The following FOSL1 variants were observed in gnomAD, a reference collection of about 807,000 sequenced individuals.
FOSL1 encodes the protein FOS like 1, AP-1 transcription factor subunit, also known as fos-related antigen 1.
In FOSL1, 14 loss-of-function variants were observed where a neutral mutation model predicts 24.9. That is an observed-to-expected ratio of 0.56 (90% CI 0.37 to 0.88). The LOEUF is 0.88. Ranked by LOEUF, FOSL1 falls within the 40% of genes least tolerant of loss-of-function variation. FOSL1 has a pLI of 0.00. For missense variants in FOSL1, 318 were observed against 359.8 expected (o/e 0.88, Z 0.94); for synonymous variants, 133 against 145.1 (o/e 0.92, Z 0.60).
At chr11:65,894,943 C>T (rs1368415146) in intron 2 of FOSL1, among the ~76,000 whole-genome samples, 1 of 151,498 alleles carries the variant, frequency 6.6e-6, no homozygotes, top group African/African-American at 2.4e-5. Flanking sequence ...AGGCATGAGC[C>T]ACTGTGCTCG....
At chr11:65,894,930 T>C (rs1249836293) in intron 2 of FOSL1, among the ~76,000 whole-genome samples, 1 of 151,920 alleles carries the variant, frequency 6.6e-6, no homozygotes, top group African/African-American at 2.4e-5. Context: ...GTGCTGGGAT[T>C]ACAGGCATGA....
At chr11:65,898,045 G>GTTTTTTTGTT (rs1555049127) in intron 1 of FOSL1, among the ~76,000 whole-genome samples, 1 of 101,838 alleles carries the variant, frequency 9.8e-6, no homozygotes, top group Non-Finnish European at 1.8e-5. Context: ...TTTCTTTTCT[G>GTTTTTTTGTT]TTTTTTTTTT....
intron 1 of FOSL1, among the ~76,000 whole-genome samples, 188 bp downstream of exon 1, chr11:65,900,053 C>T (rs941715595): frequency 6.6e-6 from 1 of 152,218 alleles, no homozygotes; most frequent in African/African-American, 2.4e-5. Context: ...GGGGAGTTCG[C>T]GGGTCTCTGC....
At chr11:65,895,284 C>A (rs1336755077) in intron 2 of FOSL1, among the ~76,000 whole-genome samples, 2 of 151,986 alleles carry the variant, frequency 1.3e-5, no homozygotes, top group African/African-American at 4.8e-5. Context: ...CCACCACGCC[C>A]AGCTAATTTT....
chr11:65,894,804 G>A (rs1285960074), intron 2 of FOSL1, among the ~76,000 whole-genome samples: 1 of 151,876 alleles, frequency 6.6e-6, no homozygotes. Flanking sequence ...TTACAGGCAT[G>A]TACCACCACA....
intron 2 of FOSL1, among the ~76,000 whole-genome samples, chr11:65,894,669 A>AT (rs1248041736): frequency 2.0e-5 from 3 of 151,556 alleles, no homozygotes; most frequent in Non-Finnish European, 2.9e-5. Context: ...ATTTTATTTT[A>AT]TTTTTTTTAG....
rs1400496276 is a variant in FOSL1 at position 65,896,897 on chromosome 11, T to A, written c.209A>T (p.Tyr70Phe). Residue 70 changes from tyrosine (Y) to phenylalanine (F), a missense_variant, in exon 2 of 4, where the codon TAC becomes TTC. By Grantham distance (22) the Tyr-to-Phe change is conservative. Coordinates refer to ENST00000312562, the MANE Select transcript of FOSL1 (RefSeq NM_005438.5). Reference sequence around the variant, plus strand: ...GGGTTGTGGGGGGCTGTACTGAGGGTAGGTCAGAGGCCTGGGGTAACTGCT... The same window carrying A: ...GGGTTGTGGGGGGCTGTACTGAGGGAAGGTCAGAGGCCTGGGGTAACTGCT... Reference protein sequence around the residue: ...GPSSYPRPLTYPQYSPPQPRP... With the variant: ...GPSSYPRPLTFPQYSPPQPRP... 6.2e-7 allele frequency: 1 copy of A among 1,613,750 alleles called. No homozygotes were observed. Among genetic ancestry groups the A allele is most frequent in the African/African-American group, 1.3e-5 (1 of 74,954 alleles).
intron 3 of FOSL1, 38 bp from the exon 4 acceptor site, chr11:65,893,334 C>CCTG: frequency 6.5e-7 from 1 of 1,539,634 alleles, no homozygotes; most frequent in Non-Finnish European, 8.8e-7. Flanking sequence ...AAGGTGAGGG[C>CCTG]TGAATACCCC....
rs1237927145 is a variant in FOSL1, at chr11:65,892,294, C to G, written c.*592G>C. 1 of 241,210 alleles carries G rather than the reference C, an allele frequency of 4.1e-6. No individual in the cohort carries two copies. The highest frequency in any genetic ancestry group is 2.3e-5 in the African/African-American group (1 of 43,234). 14.9% of individuals were successfully genotyped at this position (241,210 alleles called of 1,614,324 possible). On this transcript the variant is annotated 3_prime_UTR_variant, in exon 4 of 4. Transcript: ENST00000312562. Reference sequence around the variant, plus strand: ...CTCTCTTTAGGAAAATAAATAGCAGCTGCCCTCGCTGTGGAGGCTTGGATT... The same window carrying G: ...CTCTCTTTAGGAAAATAAATAGCAGGTGCCCTCGCTGTGGAGGCTTGGATT...
rs752121425 is a variant in FOSL1, at chr11:65,894,046, G to A, written c.373C>T (p.Arg125Trp). 7.5e-6 allele frequency: 12 copies of A among 1,610,296 alleles called. No individual in the cohort carries two copies. The highest frequency in any genetic ancestry group is 8.5e-6 in the Non-Finnish European group (10 of 1,179,038). ...NKLAAAKCRN[R>W]RKELTDFLQA... The stretch of plus-strand genomic sequence containing the variant: ...AGGAAGTCGGTCAGTTCCTTCCTCC[G>A]GTTCCTGCACTTGGCCGCAGCCAGC... The change falls in exon 3 of 4, where the codon CGG becomes TGG. Residue 125 changes from arginine (R) to tryptophan (W), a missense_variant. Coordinates refer to ENST00000312562, the MANE Select transcript of FOSL1 (RefSeq NM_005438.5).
intron 2 of FOSL1, 38 bp downstream of exon 2, chr11:65,896,771 G>A (rs1487404541): frequency 6.6e-7 from 1 of 1,519,480 alleles, no homozygotes; most frequent in African/African-American, 1.4e-5. Context: ...AGCACTCCTG[G>A]GCGGGGTCGG....
chr11:65,893,933 A>AG (rs1438067179), intron 3 of FOSL1, 81 bp downstream of exon 3: 1 of 899,118 alleles, frequency 1.1e-6, no homozygotes, highest in South Asian at 1.4e-5. Context: ...GATGGTGAGG[A>AG]GGGGGCTACA....
rs11550914 is a variant in FOSL1, at chr11:65,900,357, C to T, written c.-18G>A. On this transcript the variant is annotated 5_prime_UTR_variant, in exon 1 of 4. Coordinates refer to ENST00000312562, the MANE Select transcript of FOSL1 (RefSeq NM_005438.5). Reference sequence around the variant, plus strand: ...CGGAACATGCCCGGGGCTGGCGGCTCTGCGGGGTACACGGCTGCTGGGTTC... The same window carrying T: ...CGGAACATGCCCGGGGCTGGCGGCTTTGCGGGGTACACGGCTGCTGGGTTC... The T allele has an allele frequency of 9.7e-3, 11,750 of 1,211,324 alleles. 60 individuals carry two copies. Among genetic ancestry groups the T allele is most frequent in the Non-Finnish European group, 0.011 (10,604 of 966,680 alleles). The allele number at this position is 1,211,324 out of a possible 1,614,324, so 75.0% of individuals were successfully genotyped here. A position where few individuals can be genotyped will look rare whatever the true frequency, so the allele number is the denominator to read the frequency against.
At chr11:65,894,531 G>A (rs73494422) in intron 2 of FOSL1, among the ~76,000 whole-genome samples, 1,696 of 152,292 alleles carry the variant, frequency 0.011, 29 homozygotes, top group African/African-American at 0.038. Context: ...TCCATGAGCT[G>A]TAAGCACTAG....
At chr11:65,894,233 C>G (rs1249909528) in intron 2 of FOSL1, 112 bp from the exon 3 acceptor site, 2 of 729,450 alleles carry the variant, frequency 2.7e-6, no homozygotes, top group Non-Finnish European at 4.6e-6. Context: ...AGGGCCCCCT[C>G]AGCCGGTGAT....
At chr11:65,899,144 G>C (rs1216741706) in intron 1 of FOSL1, among the ~76,000 whole-genome samples, 2 of 152,212 alleles carry the variant, frequency 1.3e-5, no homozygotes, top group Non-Finnish European at 2.9e-5. Context: ...AGTGGGTTGG[G>C]ATGGGGCTCA....
chr11:65,894,080 C>T lies in FOSL1; in HGVS notation c.339G>A (p.Glu113=). The T allele has an allele frequency of 6.2e-7, 1 of 1,611,014 alleles. No individual in the cohort carries two copies. The change falls in exon 3 of 4, where the codon GAG becomes GAA. Residue 113 remains glutamate, a synonymous_variant. Coordinates refer to ENST00000312562, the MANE Select transcript of FOSL1 (RefSeq NM_005438.5). ...ACTTGGCCGCAGCCAGCTTGTTCCGCTCGCGCCTTACTCGGCGGCGCTCCT... is the reference window on the plus strand; with the variant it reads ...ACTTGGCCGCAGCCAGCTTGTTCCGTTCGCGCCTTACTCGGCGGCGCTCCT... ...EEEERRRVRR[E]RNKLAAAKCR...
At chr11:65,897,349 T>C (rs1468286738) in intron 1 of FOSL1, among the ~76,000 whole-genome samples, 2 of 151,816 alleles carry the variant, frequency 1.3e-5, no homozygotes, top group African/African-American at 4.8e-5. Context: ...TTTTTTCTTT[T>C]TTTTTTTTCA....
At position 65,896,974 on chromosome 11, in the gene FOSL1, C is replaced by A. The variant is rs1860544196; in HGVS notation, c.132G>T (p.Met44Ile). 6 of 1,614,052 alleles carry A rather than the reference C, an allele frequency of 3.7e-6. No homozygotes were observed. Among genetic ancestry groups the A allele is most frequent in the Non-Finnish European group, 5.1e-6 (6 of 1,180,030 alleles). ...TCCACTGCAGCTCCTGACTGCCACT[C>A]ATGGTGTTGATGCTTGGCACCAGGT... is the stretch of plus-strand genomic sequence containing the variant. ...KFHLVPSINT[M>I]SGSQELQWMV... is the part of the protein sequence containing the mutation. The change falls in exon 2 of 4, where the codon ATG becomes ATT. Residue 44 changes from methionine (M) to isoleucine (I), a missense_variant. Transcript: ENST00000312562.
Sources: allele counts gnomAD v4.1 joint callset (sites outside exome capture counted in the v4.1 genomes callset), GRCh38; gene constraint gnomAD v4.1.1; transcripts MANE v1.5; gene names NCBI Gene and HGNC (gene_info 2026-07-23, HGNC 2026-07-21).